USP28: variants seen among roughly 807,000 people sequenced by gnomAD.
USP28 encodes the protein ubiquitin carboxyl-terminal hydrolase 28.
Under a neutral mutation model 145.0 loss-of-function variants are expected in USP28, and 113 were observed. That is an observed-to-expected ratio of 0.78 (90% confidence interval 0.67 to 0.91). USP28 has a LOEUF of 0.91. Among genes scored for constraint, USP28 ranks in the 40% least tolerant of loss-of-function variants. The pLI, the probability that USP28 is intolerant of heterozygous loss-of-function variation, is 0.00. For missense variants in USP28, 1,201 were observed against 1,289.6 expected (o/e 0.93, Z 1.05); for synonymous variants, 447 against 450.9 (o/e 0.99, Z 0.11).
At chr11:113,855,340 C>T (rs1946932550) in intron 1 of USP28, among the ~76,000 whole-genome samples, 1 of 151,310 alleles carries the variant, frequency 6.6e-6, no homozygotes. Context: ...TTTGCAAGTA[C>T]AGCTCAATCT....
chr11:113,851,029 A>AT (rs1157227237), intron 3 of USP28, among the ~76,000 whole-genome samples: 1 of 152,082 alleles, frequency 6.6e-6, no homozygotes, highest in South Asian at 2.1e-4. Context: ...TAGGAAAAAA[A>AT]TTTTTGAGTC....
chr11:113,872,069 G>T (rs1289967846), intron 1 of USP28, among the ~76,000 whole-genome samples: 2 of 152,204 alleles, frequency 1.3e-5, no homozygotes, highest in African/African-American at 4.8e-5. Context: ...TGAGCACCGA[G>T]TCTGGCACAT....
intron 1 of USP28, among the ~76,000 whole-genome samples, chr11:113,865,783 T>C (rs1948194570): frequency 6.6e-6 from 1 of 152,214 alleles, no homozygotes; most frequent in African/African-American, 2.4e-5. Context: ...GATTTGTCAA[T>C]GGATTCTCAG....
intron 1 of USP28, among the ~76,000 whole-genome samples, chr11:113,870,521 C>A (rs777537938): frequency 6.6e-6 from 1 of 152,200 alleles, no homozygotes; most frequent in Non-Finnish European, 1.5e-5. Context: ...AGGGAGAGAT[C>A]CTGCCTTGGC....
intron 12 of USP28, among the ~76,000 whole-genome samples, chr11:113,823,370 A>G (rs1326037018): frequency 6.6e-6 from 1 of 152,208 alleles, no homozygotes; most frequent in East Asian, 1.9e-4. Flanking sequence ...GGTACACTGC[A>G]GTAACTAACT....
At chr11:113,840,427 C>T (rs745787799) in intron 5 of USP28, among the ~76,000 whole-genome samples, 171 bp downstream of exon 5, 1 of 152,194 alleles carries the variant, frequency 6.6e-6, no homozygotes, top group African/African-American at 2.4e-5. Flanking sequence ...CTTTTTAGTA[C>T]TGCCCAACTT....
chr11:113,857,919 A>C (rs1363889597), intron 1 of USP28, among the ~76,000 whole-genome samples: 1 of 151,868 alleles, frequency 6.6e-6, no homozygotes. Context: ...GGAGTGCAAT[A>C]GCATGGTACA....
chr11:113,827,086 G>C, intron 11 of USP28, 147 bp downstream of exon 11: 1 of 976,192 alleles, frequency 1.0e-6, no homozygotes, highest in Non-Finnish European at 1.4e-6. Flanking sequence ...CTCAGAAAAA[G>C]GCAAAGACCC....
rs570482622 is a variant in USP28, at chr11:113,851,113, TA to T, written c.268+1387del. On this transcript the variant is annotated intron_variant, in intron 3 of 24. Transcript: ENST00000003302. ...AATCCTACTGCCTTTACCTTAAAAA[TA>T]ATATATGCCGGAATGCCAGCACTGC... Among the ~76,000 whole-genome samples the T allele has an allele frequency of 5.9e-5, 9 of 152,184 alleles. No homozygotes were observed. The East Asian group carries it at 1.7e-3, about 29-fold the overall frequency.
At chr11:113,867,426 C>T (rs1458589722) in intron 1 of USP28, among the ~76,000 whole-genome samples, 1 of 152,146 alleles carries the variant, frequency 6.6e-6, no homozygotes, top group Non-Finnish European at 1.5e-5. Flanking sequence ...ACCACCACAT[C>T]TGGCTAATTT....
chr11:113,815,391 G>C lies in USP28; in HGVS notation c.1464-9C>G. On this transcript the variant is annotated splice_polypyrimidine_tract_variant and intron_variant, in intron 13 of 24. Transcript: ENST00000003302. ...AGCTTTCTGTACTTGTACTGAGGAA[G>C]ACAAAAATCATGCTCATATGATAAT... 1 of 1,609,582 alleles carries C rather than the reference G, an allele frequency of 6.2e-7. No individual in the cohort carries two copies.
intron 1 of USP28, among the ~76,000 whole-genome samples, chr11:113,874,011 C>T (rs1054670386): frequency 2.8e-4 from 43 of 151,478 alleles, no homozygotes; most frequent in Non-Finnish European, 3.4e-4. Flanking sequence ...CGTGGTGGCA[C>T]GCGCCTGTAG....
At chr11:113,803,843 A>G in exon 22 of USP28, 2 of 1,614,054 alleles carry the variant, frequency 1.2e-6, no homozygotes, top group Non-Finnish European at 1.7e-6. Context: ...ATACACAGAC[A>G]CTTTTCGGAA....
chr11:113,837,054 G>A (rs1045938573), intron 5 of USP28, among the ~76,000 whole-genome samples: 1 of 152,132 alleles, frequency 6.6e-6, no homozygotes, highest in African/African-American at 2.4e-5. Flanking sequence ...CAACACCACA[G>A]TTAATACTGC....
intron 3 of USP28, among the ~76,000 whole-genome samples, chr11:113,846,119 TA>T (rs1945820964): frequency 6.6e-6 from 1 of 152,244 alleles, no homozygotes; most frequent in Non-Finnish European, 1.5e-5. Context: ...AGTGTATTTC[TA>T]CTTATACGAG....
intron 12 of USP28, 128 bp downstream of exon 12, chr11:113,823,477 A>T (rs2135731550): frequency 5.3e-6 from 4 of 760,468 alleles, no homozygotes; most frequent in East Asian, 2.7e-5. Flanking sequence ...TAGACAAAAA[A>T]TTTTCTTAGC....
At chr11:113,798,381 C>T (rs566537136) in exon 25 of USP28, 4 of 151,016 alleles carry the variant, frequency 2.6e-5, no homozygotes, top group Admixed American at 1.3e-4. Context: ...CACCACTGAA[C>T]GCCAGCCTGG....
In USP28 at chr11:113,812,636, T is replaced by C. The variant is rs958658703; in HGVS notation, c.1744-132A>G. 52 of 802,188 alleles carry C rather than the reference T, an allele frequency of 6.5e-5. No homozygotes were observed. In the African/African-American group the frequency reaches 8.6e-4, roughly 13 times the overall value. The allele number at this position is 802,188 out of a possible 1,614,324, so 49.7% of individuals were successfully genotyped here. A position where few individuals can be genotyped will look rare whatever the true frequency, so the allele number is the denominator to read the frequency against. ...ATTAAAACATCTTGTTGATTCAAGATGAAGTCCACAAAAACACAGCCTTGG... is the reference window on the plus strand; with the variant it reads ...ATTAAAACATCTTGTTGATTCAAGACGAAGTCCACAAAAACACAGCCTTGG... On this transcript the variant is annotated intron_variant, in intron 15 of 24. Coordinates refer to ENST00000003302, the Ensembl canonical transcript of USP28.
At chr11:113,869,161 G>A (rs535546914) in intron 1 of USP28, among the ~76,000 whole-genome samples, 9 of 152,092 alleles carry the variant, frequency 5.9e-5, no homozygotes, top group African/African-American at 1.7e-4. Flanking sequence ...GGCTGGGTTC[G>A]GTGGCTCACG....
Sources: allele counts gnomAD v4.1 joint callset (sites outside exome capture counted in the v4.1 genomes callset), GRCh38; gene constraint gnomAD v4.1.1; transcripts MANE v1.5; gene names NCBI Gene and HGNC (gene_info 2026-07-23, HGNC 2026-07-21).